USH2A: variants seen among roughly 807,000 people sequenced by gnomAD.
USH2A encodes usherin.
USH2A carries 443 observed loss-of-function variants against 538.9 expected under a neutral mutation model. The observed-to-expected ratio is 0.82, with a 90% confidence interval of 0.76 to 0.89. USH2A has a LOEUF of 0.89. Among genes scored for constraint, USH2A ranks in the 40% least tolerant of loss-of-function variants. The pLI is 0.00. For missense variants in USH2A, 6,633 were observed against 6,324.8 expected, an observed-to-expected ratio of 1.05 and a Z score of -1.65; for synonymous variants, 2,413 against 2,273.5, an observed-to-expected ratio of 1.06 and a Z score of -1.75.
At chr1:216,357,934 A>G (rs1280909769) in intron 4 of USH2A, among the ~76,000 whole-genome samples, 1 of 152,196 alleles carries the variant, frequency 6.6e-6, no homozygotes, top group Non-Finnish European at 1.5e-5. Flanking sequence ...AATGTTCTAA[A>G]AAGGAGCCAT....
intron 70 of USH2A, among the ~76,000 whole-genome samples, chr1:215,630,482 GTATATATATATATATATA>G (rs1158726890): frequency 0.019 from 421 of 22,552 alleles, 5 homozygotes; most frequent in Admixed American, 0.072. Flanking sequence ...ATGTGTGTGT[GTATATATATATATATATA>G]TATATATATA....
At chr1:216,415,159 C>T (rs1005762635) in intron 3 of USH2A, among the ~76,000 whole-genome samples, 7 of 152,084 alleles carry the variant, frequency 4.6e-5, no homozygotes, top group Admixed American at 1.3e-4. Flanking sequence ...AATAACCCTA[C>T]ACAACTCAAC....
chr1:215,831,640 A>C (rs1663318020), intron 47 of USH2A, among the ~76,000 whole-genome samples: 1 of 152,150 alleles, frequency 6.6e-6, no homozygotes, highest in Admixed American at 6.6e-5. Context: ...GAGAAATTAA[A>C]ATATATTTTG....
At chr1:216,058,536 T>C (rs182336194) in intron 30 of USH2A, among the ~76,000 whole-genome samples, 7 of 149,096 alleles carry the variant, frequency 4.7e-5, no homozygotes, top group Admixed American at 4.7e-4. Context: ...ATTTCAAATA[T>C]GTAGTGGTTG....
intron 61 of USH2A, among the ~76,000 whole-genome samples, chr1:215,723,454 A>G (rs188726249): frequency 5.9e-5 from 9 of 152,268 alleles, no homozygotes; most frequent in Non-Finnish European, 1.0e-4. Context: ...CTGTCTATAA[A>G]CAACTCTGGG....
chr1:215,836,526 T>TTA (rs370622396), intron 47 of USH2A, among the ~76,000 whole-genome samples: 42 of 26,488 alleles, frequency 1.6e-3, no homozygotes, highest in South Asian at 3.3e-3. Context: ...ATAATATATA[T>TTA]TATATATATA....
At chr1:215,864,506 AGGGCAT>A (rs1329813969) in intron 44 of USH2A, among the ~76,000 whole-genome samples, 2 of 152,180 alleles carry the variant, frequency 1.3e-5, no homozygotes, top group African/African-American at 4.8e-5. Context: ...TCAGATTTTT[AGGGCAT>A]GATCTGTCTA....
intron 30 of USH2A, among the ~76,000 whole-genome samples, chr1:216,068,708 TA>T (rs1281946923): frequency 6.6e-6 from 1 of 152,096 alleles, no homozygotes; most frequent in Admixed American, 6.6e-5. Flanking sequence ...AGAAGCTTTG[TA>T]AAACAGAAAG....
At chr1:215,907,359 T>A (rs942926650) in intron 38 of USH2A, among the ~76,000 whole-genome samples, 10 of 152,048 alleles carry the variant, frequency 6.6e-5, no homozygotes, top group African/African-American at 2.4e-4. Context: ...ACCTCAGGTA[T>A]TTTTAAGCAT....
intron 30 of USH2A, 84 bp downstream of exon 30, chr1:216,070,017 A>G: frequency 1.3e-6 from 2 of 1,500,134 alleles, no homozygotes; most frequent in East Asian, 4.8e-5. Flanking sequence ...CATTTTTCTA[A>G]AAAACATTTG....
chr1:215,677,108 G>C (rs977915315), intron 62 of USH2A, among the ~76,000 whole-genome samples: 2 of 152,160 alleles, frequency 1.3e-5, no homozygotes, highest in African/African-American at 4.8e-5. Flanking sequence ...ACTGAAAATA[G>C]AAGCAGTTAG....
intron 64 of USH2A, among the ~76,000 whole-genome samples, chr1:215,663,514 G>T (rs1335763037): frequency 6.6e-6 from 1 of 152,176 alleles, no homozygotes; most frequent in Non-Finnish European, 1.5e-5. Flanking sequence ...TGTTCCCGTG[G>T]TTGGTGTGTG....
chr1:216,201,272 A>G lies in USH2A; in HGVS notation c.3317-1151T>C, dbSNP rs192987344. On this transcript the variant is annotated intron_variant, in intron 16 of 71. Transcript: ENST00000307340. Reference sequence around the variant, plus strand: ...AAAGACACAAATCTTTGGAGTGATAACCCATCGTGTAAACCTAGGCATTCC... The same window carrying G: ...AAAGACACAAATCTTTGGAGTGATAGCCCATCGTGTAAACCTAGGCATTCC... Among the ~76,000 whole-genome samples the G allele has an allele frequency of 1.7e-3, 249 of 149,612 alleles. 2 individuals are homozygous for G. The highest frequency in any genetic ancestry group is 5.9e-3 in the African/African-American group (239 of 40,604).
intron 19 of USH2A, among the ~76,000 whole-genome samples, chr1:216,193,696 G>T (rs2034770695): frequency 6.6e-6 from 1 of 152,112 alleles, no homozygotes; most frequent in Admixed American, 6.5e-5. Flanking sequence ...TGTGAAGACA[G>T]AGGCAGCAGA....
intron 56 of USH2A, among the ~76,000 whole-genome samples, chr1:215,764,727 T>A (rs1399323388): frequency 6.6e-6 from 1 of 152,194 alleles, no homozygotes; most frequent in African/African-American, 2.4e-5. Context: ...ATTAGTTATG[T>A]CTGGGTGGAT....
In USH2A at chr1:216,198,445, T is replaced by C; in HGVS notation, c.3951A>G (p.Leu1317=). The change falls in exon 18 of 72, where the codon TTA becomes TTG. Residue 1317 remains leucine (L), a synonymous_variant. Transcript: ENST00000307340. ...TGGTTGTCATTGTTTGAGGAGGTTT[T>C]AATGCATTTTCATTGGCCGATTCTA... ...SFVESANENA[L]KPPQTMTTIT... 1 of 1,614,072 alleles carries C rather than the reference T, an allele frequency of 6.2e-7. No individual in the cohort carries two copies. Among genetic ancestry groups the C allele is most frequent in the Middle Eastern group, 1.6e-4 (1 of 6,062 alleles).
intron 32 of USH2A, among the ~76,000 whole-genome samples, chr1:216,045,289 G>A (rs146516163): frequency 6.6e-6 from 1 of 152,028 alleles, no homozygotes; most frequent in Non-Finnish European, 1.5e-5. Flanking sequence ...ACCACTATAA[G>A]TATAATACAA....
intron 22 of USH2A, among the ~76,000 whole-genome samples, chr1:216,096,386 T>C (rs548514202): frequency 2.9e-4 from 44 of 152,306 alleles, no homozygotes; most frequent in African/African-American, 9.1e-4. Context: ...GAATCTCCCC[T>C]GTACTGCCCC....
At chr1:215,713,184 T>C (rs962053266) in intron 61 of USH2A, among the ~76,000 whole-genome samples, 3 of 152,220 alleles carry the variant, frequency 2.0e-5, no homozygotes, top group African/African-American at 7.2e-5. Flanking sequence ...TATGACACCA[T>C]GATATCTTCA....
Sources: gnomAD v4.1 joint callset for allele counts (sites outside exome capture counted in the v4.1 genomes callset) on GRCh38, gnomAD v4.1.1 for gene constraint, MANE v1.5 for transcripts, NCBI Gene and HGNC (gene_info 2026-07-23, HGNC 2026-07-21) for gene names.